NFYC: variants seen among roughly 807,000 people sequenced by gnomAD.
NFYC encodes the protein nuclear transcription factor Y subunit gamma.
A neutral mutation model predicts 53.1 loss-of-function variants in NFYC; 25 were observed. The ratio of observed to expected loss-of-function variants is 0.47; its 90% CI spans 0.34 to 0.66. The LOEUF is 0.66. Ranked by LOEUF, NFYC falls within the 30% of genes least tolerant of loss-of-function variation. NFYC has a pLI of 0.01. For missense variants in NFYC, 260 were observed against 422.7 expected, an observed-to-expected ratio of 0.62 and a Z score of 3.38; for synonymous variants, 145 against 152.6, an observed-to-expected ratio of 0.95 and a Z score of 0.37.
At chr1:40,758,326 A>C in intron 6 of NFYC, 32 bp downstream of exon 6, 1 of 1,579,476 alleles carries the variant, frequency 6.3e-7, no homozygotes, top group Non-Finnish European at 8.6e-7. Context: ...CCCATCCAGC[A>C]AGACAGTGCC....
At chr1:40,734,217 C>G (rs185522238) in intron 1 of NFYC, among the ~76,000 whole-genome samples, 32 of 152,248 alleles carry the variant, frequency 2.1e-4, no homozygotes, top group Non-Finnish European at 3.2e-4. Context: ...CCCTTATTAT[C>G]CTAGAAGATG....
chr1:40,745,362 A>G (rs1260150564), intron 2 of NFYC, among the ~76,000 whole-genome samples: 2 of 152,206 alleles, frequency 1.3e-5, no homozygotes, highest in Non-Finnish European at 2.9e-5. Flanking sequence ...GGTTTTCCAA[A>G]GGAATGATCA....
intron 5 of NFYC, among the ~76,000 whole-genome samples, chr1:40,754,059 A>G (rs1409239935): frequency 6.6e-6 from 1 of 152,034 alleles, no homozygotes; most frequent in Non-Finnish European, 1.5e-5. Context: ...CACTTGGGAA[A>G]TTGTGGCAGA....
At chr1:40,764,590 T>G (rs1425427898) in intron 7 of NFYC, among the ~76,000 whole-genome samples, 1 of 152,214 alleles carries the variant, frequency 6.6e-6, no homozygotes, top group Non-Finnish European at 1.5e-5. Context: ...GGCACAGAGC[T>G]TTAGCCCAGA....
chr1:40,738,916 C>T lies in NFYC; in HGVS notation c.73C>T (p.Arg25Trp), dbSNP rs745534448. The T allele has an allele frequency of 1.2e-6, 2 of 1,613,874 alleles. No homozygotes were observed. The highest frequency in any genetic ancestry group is 1.1e-5 in the South Asian group (1 of 91,070). ...GCAAAGCCTACAGTCGTTCTGGCCT[C>T]GGGTCATGGAAGAAATCCGGAATTT... Reference protein sequence around the residue: ...AQQSLQSFWPRVMEEIRNLTV... With the variant: ...AQQSLQSFWPWVMEEIRNLTV... The change falls in exon 2 of 10, where the codon CGG becomes TGG. Residue 25 changes from arginine (R) to tryptophan (W), a missense_variant. Transcript: ENST00000447388.
intron 7 of NFYC, among the ~76,000 whole-genome samples, chr1:40,765,251 T>A (rs1363203673): frequency 6.6e-6 from 1 of 152,206 alleles, no homozygotes; most frequent in Non-Finnish European, 1.5e-5. Flanking sequence ...AAGAAATGAC[T>A]GCAGGTCCTA....
At chr1:40,750,730 T>C (rs972966993) in intron 4 of NFYC, among the ~76,000 whole-genome samples, 6 of 151,876 alleles carry the variant, frequency 4.0e-5, no homozygotes, top group Non-Finnish European at 5.9e-5. Flanking sequence ...GATTAGAAAA[T>C]AAAATAGGCA....
intron 1 of NFYC, among the ~76,000 whole-genome samples, chr1:40,703,031 G>A (rs1484435999): frequency 4.0e-5 from 6 of 151,898 alleles, no homozygotes; most frequent in South Asian, 2.1e-4. Flanking sequence ...TGGCCAGGCT[G>A]GTCTTGAACT....
At chr1:40,750,653 A>T (rs1233928305) in intron 4 of NFYC, among the ~76,000 whole-genome samples, 1 of 152,256 alleles carries the variant, frequency 6.6e-6, no homozygotes, top group Non-Finnish European at 1.5e-5. Context: ...CACAAAATTT[A>T]TGTTGCCTTG....
intron 1 of NFYC, among the ~76,000 whole-genome samples, chr1:40,703,727 C>G (rs1643557882): frequency 6.6e-6 from 1 of 152,174 alleles, no homozygotes; most frequent in Non-Finnish European, 1.5e-5. Flanking sequence ...AGAAGCCCTT[C>G]TTTGGTAATA....
Position 40,758,139 on chromosome 1 carries a change from G to A in NFYC, c.406G>A (p.Val136Ile). 6.2e-7 allele frequency: 1 copy of A among 1,611,936 alleles called. No homozygotes were observed. The highest frequency in any genetic ancestry group is 8.5e-7 in the Non-Finnish European group (1 of 1,179,852). Reference sequence around the variant, plus strand: ...CCAACAGGAGGAGGTGCGCCAGTCTGTAACTCCTGCCGAGCCAGTCCAGTA... The same window carrying A: ...CCAACAGGAGGAGGTGCGCCAGTCTATAACTCCTGCCGAGCCAGTCCAGTA... ...PKRQEEVRQS[V>I]TPAEPVQYYF... Residue 136 changes from valine (V) to isoleucine (I), a missense_variant, in exon 6 of 10, where the codon GTA (valine) becomes ATA (isoleucine). Coordinates refer to ENST00000447388, the MANE Select transcript of NFYC (RefSeq NM_014223.5).
At chr1:40,693,944 A>C (rs936154361) in intron 1 of NFYC, among the ~76,000 whole-genome samples, 2 of 152,250 alleles carry the variant, frequency 1.3e-5, no homozygotes, top group African/African-American at 4.8e-5. Flanking sequence ...TAGGTATTCA[A>C]ATCATATCCC....
chr1:40,703,361 G>A lies in NFYC; in HGVS notation c.-9+11494G>A, dbSNP rs1169849712. 4.6e-5 allele frequency among the ~76,000 whole-genome samples: 7 copies of A among 151,014 alleles called. No homozygotes were observed. The East Asian group carries it at 9.7e-4, about 21-fold the overall frequency. On this transcript the variant is annotated intron_variant, in intron 1 of 9. Coordinates refer to ENST00000447388, the MANE Select transcript of NFYC (RefSeq NM_014223.5). The stretch of plus-strand genomic sequence containing the variant: ...TTAAAAATTAGCTGGGTGTGGTAGC[G>A]CATGCCTGTGCTCCTAGTTATTCAG...
intron 9 of NFYC, among the ~76,000 whole-genome samples, chr1:40,769,902 C>G (rs1396599372): frequency 1.3e-5 from 2 of 152,232 alleles, no homozygotes; most frequent in African/African-American, 4.8e-5. Flanking sequence ...CCTTTTCCCT[C>G]TGCTTTCCCC....
At chr1:40,768,181 T>G (rs1646913453) in intron 8 of NFYC, among the ~76,000 whole-genome samples, 1 of 152,186 alleles carries the variant, frequency 6.6e-6, no homozygotes, top group Non-Finnish European at 1.5e-5. Flanking sequence ...AAATAAAATG[T>G]AAAGGTAAAT....
At chr1:40,710,829 T>TG (rs756664247) in intron 1 of NFYC, among the ~76,000 whole-genome samples, 2 of 152,214 alleles carry the variant, frequency 1.3e-5, no homozygotes, top group Admixed American at 6.5e-5. Context: ...CCTCTGTCGT[T>TG]GCTTGCAAAA....
intron 2 of NFYC, among the ~76,000 whole-genome samples, chr1:40,742,513 T>C (rs1645404406): frequency 1.3e-5 from 2 of 152,200 alleles, no homozygotes; most frequent in Non-Finnish European, 2.9e-5. Flanking sequence ...TCAGTTTTGG[T>C]TCAAGTTTTG....
chr1:40,769,123 A>G, intron 8 of NFYC: 1 of 502,528 alleles, frequency 2.0e-6, no homozygotes, highest in Middle Eastern at 5.5e-4. Flanking sequence ...TGGGTGTGGG[A>G]ACTATCTATT....
chr1:40,738,713 C>A, intron 1 of NFYC, 123 bp from the exon 2 acceptor site: 1 of 672,708 alleles, frequency 1.5e-6, no homozygotes, highest in Non-Finnish European at 2.5e-6. Context: ...TAATTATATA[C>A]CTTATCAAAC....
Sources: gnomAD v4.1 joint callset for allele counts (sites outside exome capture counted in the v4.1 genomes callset) on GRCh38, gnomAD v4.1.1 for gene constraint, MANE v1.5 for transcripts, NCBI Gene and HGNC (gene_info 2026-07-23, HGNC 2026-07-21) for gene names.